The following SRPK2 variants were observed in gnomAD, a reference collection of about 807,000 sequenced individuals.
The protein encoded by SRPK2 is SFRS protein kinase 2.
SRPK2 carries 21 observed loss-of-function variants against 90.8 expected under a neutral mutation model. That is an observed-to-expected ratio of 0.23 (90% CI 0.16 to 0.33). The LOEUF is 0.33. SRPK2 is among the 10% of genes least tolerant of loss of function. The pLI, the probability that SRPK2 is intolerant of heterozygous loss-of-function variation, is 1.00. For synonymous variants in SRPK2, 288 were observed against 311.1 expected (o/e 0.93, Z 0.78); for missense variants, 620 against 869.0 (o/e 0.71, Z 3.60).
Position 105,142,415 on chromosome 7 carries a change from T to C in SRPK2, c.1136A>G (p.Gln379Arg), listed in dbSNP as rs146733650. 12 of 1,614,004 alleles carry C rather than the reference T, an allele frequency of 7.4e-6. No homozygotes were observed. In the African/African-American group the frequency reaches 1.5e-4, roughly 20 times the overall value. Residue 379 changes from glutamine (Q) to arginine (R), a missense_variant, in exon 11 of 16, where the codon CAG (glutamine) becomes CGG (arginine). Coordinates refer to ENST00000393651, the MANE Select transcript of SRPK2 (RefSeq NM_182692.3). ...CGTAGGGTCTATGTTCGCAAGTTCC[T>C]GATCTACATCATCTTCATCTTTTTC... is the stretch of plus-strand genomic sequence containing the variant. The part of the protein sequence containing the change: ...NIEKDEDDVD[Q>R]ELANIDPTWI...
chr7:105,231,069 CT>C (rs1033182143), intron 2 of SRPK2, among the ~76,000 whole-genome samples: 21 of 152,078 alleles, frequency 1.4e-4, no homozygotes, highest in East Asian at 1.9e-4. Flanking sequence ...TCGTCTGCCC[CT>C]CTCCCTATTT....
intron 2 of SRPK2, among the ~76,000 whole-genome samples, chr7:105,329,513 G>C (rs530146010): frequency 6.6e-6 from 1 of 151,270 alleles, no homozygotes; most frequent in Admixed American, 6.6e-5. Flanking sequence ...AGAATCACTT[G>C]AACCTGGGAG....
chr7:105,196,667 G>A (rs953542634), intron 3 of SRPK2, among the ~76,000 whole-genome samples: 2 of 152,218 alleles, frequency 1.3e-5, no homozygotes, highest in African/African-American at 2.4e-5. Context: ...TTACTTGGCT[G>A]TACAAATATT....
chr7:105,302,133 C>G lies in SRPK2; in HGVS notation c.71+86515G>C, dbSNP rs1190871801. The G allele has an allele frequency of 2.9e-6, 4 of 1,356,118 alleles. No individual in the cohort carries two copies. The Admixed American group carries it at 6.8e-5, about 23-fold the overall frequency. 84.0% of individuals were successfully genotyped at this position (1,356,118 alleles called of 1,614,324 possible). A position where few individuals can be genotyped will look rare whatever the true frequency, so the allele number is the denominator to read the frequency against. ...AAAGAGCATTCTTTAAAAAGTAAAA[C>G]TGGGTTCAAAATCTTTCATTACCAT... On this transcript the variant is annotated intron_variant, in intron 2 of 15. Coordinates refer to ENST00000393651, the MANE Select transcript of SRPK2 (RefSeq NM_182692.3).
At chr7:105,274,097 T>G (rs528146223) in intron 2 of SRPK2, among the ~76,000 whole-genome samples, 2 of 152,152 alleles carry the variant, frequency 1.3e-5, no homozygotes, top group African/African-American at 4.8e-5. Context: ...ACAACCCAAA[T>G]AGTAAAACCC....
chr7:105,331,527 T>C (rs1293001368), intron 2 of SRPK2, among the ~76,000 whole-genome samples: 3 of 152,004 alleles, frequency 2.0e-5, no homozygotes, highest in Non-Finnish European at 2.9e-5. Flanking sequence ...GAGAGATGAA[T>C]AGTAAACTTA....
intron 2 of SRPK2, among the ~76,000 whole-genome samples, chr7:105,377,122 C>T (rs536562138): frequency 6.6e-5 from 10 of 152,240 alleles, no homozygotes; most frequent in South Asian, 4.1e-4. Context: ...TATCTGCAGA[C>T]TAACACTGCT....
intron 2 of SRPK2, among the ~76,000 whole-genome samples, chr7:105,367,090 T>G (rs1486888615): frequency 6.6e-6 from 1 of 151,972 alleles, no homozygotes; most frequent in Non-Finnish European, 1.5e-5. Flanking sequence ...TTTGTTTGTT[T>G]GTTTTAGGAT....
chr7:105,300,949 G>C (rs1371535419), intron 2 of SRPK2, among the ~76,000 whole-genome samples: 1 of 152,192 alleles, frequency 6.6e-6, no homozygotes, highest in African/African-American at 2.4e-5. Flanking sequence ...CGTCGTGGAA[G>C]ACAGTGTGGC....
chr7:105,260,979 C>T (rs1030769250), intron 2 of SRPK2, among the ~76,000 whole-genome samples: 3 of 138,834 alleles, frequency 2.2e-5, no homozygotes, highest in African/African-American at 8.0e-5. Flanking sequence ...ACATGTATAC[C>T]TATGTAACAA....
chr7:105,329,422 T>C (rs1814005814), intron 2 of SRPK2, among the ~76,000 whole-genome samples: 1 of 151,874 alleles, frequency 6.6e-6, no homozygotes, highest in Non-Finnish European at 1.5e-5. Flanking sequence ...AAACTAAGAA[T>C]GCTGGGAAAC....
chr7:105,334,786 G>C (rs1814869809), intron 2 of SRPK2, among the ~76,000 whole-genome samples: 1 of 143,488 alleles, frequency 7.0e-6, no homozygotes, highest in Non-Finnish European at 1.5e-5. Context: ...GTTGCAGTGA[G>C]CCAAAATCAT....
At chr7:105,379,624 T>C (rs1213083691) in intron 2 of SRPK2, among the ~76,000 whole-genome samples, 1 of 152,202 alleles carries the variant, frequency 6.6e-6, no homozygotes, top group Non-Finnish European at 1.5e-5. Context: ...TATACTGATC[T>C]ACATGGTCGT....
chr7:105,135,743 A>T (rs1584909582), intron 11 of SRPK2, among the ~76,000 whole-genome samples: 1 of 150,838 alleles, frequency 6.6e-6, no homozygotes, highest in African/African-American at 2.4e-5. Context: ...AAGACCCATC[A>T]CCTCACATTT....
At chr7:105,260,460 T>C (rs1466535484) in intron 2 of SRPK2, among the ~76,000 whole-genome samples, 1 of 152,212 alleles carries the variant, frequency 6.6e-6, no homozygotes, top group Non-Finnish European at 1.5e-5. Context: ...TCAACCATTG[T>C]GGAAGACAGT....
chr7:105,239,761 A>AGTG (rs1437770348), intron 2 of SRPK2, among the ~76,000 whole-genome samples: 1 of 152,258 alleles, frequency 6.6e-6, no homozygotes, highest in Non-Finnish European at 1.5e-5. Flanking sequence ...ATTCAAATAC[A>AGTG]GTGATACATG....
chr7:105,176,587 ATATGTGTGTGTG>A (rs1791901711), intron 3 of SRPK2, among the ~76,000 whole-genome samples: 1 of 96,374 alleles, frequency 1.0e-5, no homozygotes, highest in Non-Finnish European at 2.0e-5. Context: ...GTGTATGTAT[ATATGTGTGTGTG>A]TGTGTGTGTG....
Position 105,219,446 on chromosome 7 carries a change from T to C in SRPK2, c.72-15661A>G, listed in dbSNP as rs187731591. Among the ~76,000 whole-genome samples, 743 of 152,248 alleles carry C rather than the reference T, an allele frequency of 4.9e-3. 29 individuals are homozygous for C. Among genetic ancestry groups the C allele is most frequent in the Admixed American group, 0.045 (690 of 15,290 alleles). The stretch of plus-strand genomic sequence containing the variant: ...TGTATCATTATAACAGAATTACTTT[T>C]TTCACCCTTCCCTTTAAAACTAATG... On this transcript the variant is annotated intron_variant, in intron 2 of 15. Transcript: ENST00000393651.
At chr7:105,178,725 CT>C (rs1396667722) in intron 3 of SRPK2, among the ~76,000 whole-genome samples, 1 of 152,054 alleles carries the variant, frequency 6.6e-6, no homozygotes, top group Non-Finnish European at 1.5e-5. Context: ...CGAAGGATCA[CT>C]TGGGTCCAGG....
Sources: gnomAD v4.1 joint callset for allele counts (sites outside exome capture counted in the v4.1 genomes callset) on GRCh38, gnomAD v4.1.1 for gene constraint, MANE v1.5 for transcripts, NCBI Gene and HGNC (gene_info 2026-07-23, HGNC 2026-07-21) for gene names.